Variants in AKAP13 observed in about 807,000 individuals in gnomAD.
AKAP13 encodes A-kinase anchoring protein 13.
AKAP13 carries 80 observed loss-of-function variants against 264.5 expected under a neutral mutation model. The observed-to-expected ratio is 0.30, with a 90% CI of 0.25 to 0.36. AKAP13 has a LOEUF of 0.36. Among genes scored for constraint, AKAP13 ranks in the 10% least tolerant of loss-of-function variants. AKAP13 has a pLI of 1.00. For missense variants in AKAP13, 3,712 were observed against 3,435.2 expected, an observed-to-expected ratio of 1.08 and a Z score of -2.01; for synonymous variants, 1,380 against 1,250.2, an observed-to-expected ratio of 1.10 and a Z score of -2.19.
chr15:85,705,444 A>G (rs915017236), intron 17 of AKAP13, among the ~76,000 whole-genome samples: 3 of 152,214 alleles, frequency 2.0e-5, no homozygotes, highest in African/African-American at 7.2e-5. Flanking sequence ...TAGATTTTCA[A>G]TAAAACAAAA....
At chr15:85,548,030 GTAGT>G (rs1039208739) in intron 5 of AKAP13, among the ~76,000 whole-genome samples, 6 of 152,170 alleles carry the variant, frequency 3.9e-5, no homozygotes, top group Non-Finnish European at 8.8e-5. Flanking sequence ...GCGTGGCATT[GTAGT>G]TATCTAAGAA....
intron 10 of AKAP13, 37 bp downstream of exon 10, chr15:85,645,991 G>A (rs1255956868): frequency 1.3e-6 from 2 of 1,597,930 alleles, no homozygotes; most frequent in South Asian, 1.1e-5. Context: ...TTGTCACACG[G>A]CTTTTGTGTT....
chr15:85,442,503 T>TTATATAA (rs1555429997), intron 1 of AKAP13, among the ~76,000 whole-genome samples: 19 of 108,470 alleles, frequency 1.8e-4, no homozygotes, highest in Non-Finnish European at 3.4e-4. Flanking sequence ...ATATATTATA[T>TTATATAA]TATATATAAT....
intron 2 of AKAP13, among the ~76,000 whole-genome samples, chr15:85,497,442 G>T (rs2075902521): frequency 6.6e-6 from 1 of 152,174 alleles, no homozygotes; most frequent in Non-Finnish European, 1.5e-5. Flanking sequence ...GGCTCTACCA[G>T]CCTGGATAGA....
At chr15:85,482,182 T>A (rs1422451302) in intron 1 of AKAP13, among the ~76,000 whole-genome samples, 2 of 152,202 alleles carry the variant, frequency 1.3e-5, no homozygotes, top group Non-Finnish European at 2.9e-5. Flanking sequence ...CAGGTTTAAG[T>A]GTCTAGAACA....
rs2087932596 is a variant in AKAP13, at chr15:85,730,632, C to G, written c.7207C>G (p.Pro2403Ala). ...LPEDCSPTHS[P>A]RVLFRSNTEE... ...AGAGGATTGCTCCCCAACACATAGC[C>G]CTAGAGTTCTCTTCCGCTCCAACAC... The change falls in exon 30 of 37, where the codon CCT becomes GCT. Residue 2403 changes from proline (P) to alanine (A), a missense_variant. Transcript: ENST00000394518. 6.2e-7 allele frequency: 1 copy of G among 1,614,128 alleles called. No individual in the cohort carries two copies.
At chr15:85,561,636 A>G (rs1022652221) in intron 5 of AKAP13, among the ~76,000 whole-genome samples, 4 of 152,218 alleles carry the variant, frequency 2.6e-5, no homozygotes, top group African/African-American at 9.6e-5. Context: ...ATCTATAACT[A>G]ATACAGTGGC....
chr15:85,506,973 T>C (rs17554929), intron 2 of AKAP13, among the ~76,000 whole-genome samples: 37,385 of 152,128 alleles, frequency 0.25, 6,071 homozygotes, highest in Middle Eastern at 0.41. Context: ...TTATCTCTTG[T>C]CTTCCTAGTC....
chr15:85,723,412 T>C (rs1170397151), intron 26 of AKAP13, 92 bp downstream of exon 26: 2 of 1,538,998 alleles, frequency 1.3e-6, no homozygotes, highest in East Asian at 4.5e-5. Context: ...CCAGATTTTT[T>C]TCCCAGAGAG....
chr15:85,542,748 T>C (rs937076813), intron 4 of AKAP13, among the ~76,000 whole-genome samples: 1 of 152,156 alleles, frequency 6.6e-6, no homozygotes, highest in Non-Finnish European at 1.5e-5. Context: ...GAAGAGAGTA[T>C]TGCTAGTGAA....
At chr15:85,412,988 T>G (rs1464575013) in intron 1 of AKAP13, among the ~76,000 whole-genome samples, 1 of 152,190 alleles carries the variant, frequency 6.6e-6, no homozygotes, top group Non-Finnish European at 1.5e-5. Flanking sequence ...CCAAGCTTAT[T>G]TAAGAGGTAA....
intron 2 of AKAP13, among the ~76,000 whole-genome samples, chr15:85,501,158 T>C (rs2076028053): frequency 6.6e-6 from 1 of 152,192 alleles, no homozygotes; most frequent in Non-Finnish European, 1.5e-5. Flanking sequence ...AATTCTACTT[T>C]GAGTGAAGTG....
At chr15:85,477,106 A>G (rs982712907) in intron 1 of AKAP13, among the ~76,000 whole-genome samples, 1 of 152,090 alleles carries the variant, frequency 6.6e-6, no homozygotes, top group Admixed American at 6.5e-5. Context: ...GCCATGCCCT[A>G]GAACTCCCTA....
At chr15:85,431,558 ATGGAGAG>A (rs1374569872) in intron 1 of AKAP13, among the ~76,000 whole-genome samples, 1 of 152,216 alleles carries the variant, frequency 6.6e-6, no homozygotes, top group African/African-American at 2.4e-5. Context: ...GAGGTATTAA[ATGGAGAG>A]TGGATATAAA....
At chr15:85,531,049 C>A (rs2077226385) in intron 3 of AKAP13, among the ~76,000 whole-genome samples, 2 of 152,154 alleles carry the variant, frequency 1.3e-5, no homozygotes, top group Non-Finnish European at 2.9e-5. Flanking sequence ...TTAGTACAGA[C>A]AGAGTCTTGC....
intron 14 of AKAP13, among the ~76,000 whole-genome samples, chr15:85,675,027 C>T (rs1050526501): frequency 3.9e-5 from 6 of 152,066 alleles, no homozygotes; most frequent in Non-Finnish European, 8.8e-5. Context: ...AACTTTAATT[C>T]AATTACCTTG....
At chr15:85,434,441 G>T (rs900113409) in intron 1 of AKAP13, among the ~76,000 whole-genome samples, 5 of 152,212 alleles carry the variant, frequency 3.3e-5, no homozygotes, top group East Asian at 3.9e-4. Flanking sequence ...CAAAGCAGCC[G>T]GGAAGCTCGA....
chr15:85,417,103 T>G (rs1298981102), intron 1 of AKAP13, among the ~76,000 whole-genome samples: 1 of 152,236 alleles, frequency 6.6e-6, no homozygotes, highest in Non-Finnish European at 1.5e-5. Context: ...CTTAAAAGCT[T>G]GCTAGCATAG....
At chr15:85,433,585 C>A (rs938908204) in intron 1 of AKAP13, among the ~76,000 whole-genome samples, 2 of 152,114 alleles carry the variant, frequency 1.3e-5, no homozygotes, top group African/African-American at 4.8e-5. Flanking sequence ...CTGGGGACTT[C>A]CTGATCATCC....
Sources: gnomAD v4.1 joint callset for allele counts (sites outside exome capture counted in the v4.1 genomes callset) on GRCh38, gnomAD v4.1.1 for gene constraint, MANE v1.5 for transcripts, NCBI Gene and HGNC (gene_info 2026-07-23, HGNC 2026-07-21) for gene names.